Variants in RBM20 observed in about 807,000 individuals in gnomAD.
The protein encoded by RBM20 is RNA binding motif protein 20, also known as RNA-binding protein 20.
A neutral mutation model predicts 110.1 loss-of-function variants in RBM20; 51 were observed. That is an observed-to-expected ratio of 0.46 (90% CI 0.37 to 0.59). The LOEUF is 0.59. Among genes scored for constraint, RBM20 ranks in the 20% least tolerant of loss-of-function variants. RBM20 has a pLI of 0.00. For missense variants in RBM20, 1,512 were observed against 1,574.9 expected, an observed-to-expected ratio of 0.96 and a Z score of 0.68; for synonymous variants, 589 against 618.2, an observed-to-expected ratio of 0.95 and a Z score of 0.70.
Position 110,837,507 on chromosome 10 carries a change from T to C in RBM20, c.*1529T>C, listed in dbSNP as rs953148638. 6.6e-6 allele frequency: 1 copy of C among 152,222 alleles called. No individual in the cohort carries two copies. The highest frequency in any genetic ancestry group is 1.5e-5 in the Non-Finnish European group (1 of 68,054). 9.4% of individuals were successfully genotyped at this position (152,222 alleles called of 1,614,324 possible). A position where few individuals can be genotyped will look rare whatever the true frequency, so the allele number is the denominator to read the frequency against. On this transcript the variant is annotated 3_prime_UTR_variant, in exon 14 of 14. Coordinates refer to ENST00000369519, the MANE Select transcript of RBM20 (RefSeq NM_001134363.3). ...AGGTCACTCTCCCCTAGGCAGTTCC[T>C]GTTGTTTCTGTTCCTGACCTTGGGC... is the stretch of plus-strand genomic sequence containing the variant.
chr10:110,706,124 T>G (rs1432863372), intron 1 of RBM20, among the ~76,000 whole-genome samples: 1 of 152,060 alleles, frequency 6.6e-6, no homozygotes, highest in South Asian at 2.1e-4. Context: ...TGCAGATGAC[T>G]TTTAGTAGTT....
intron 12 of RBM20, among the ~76,000 whole-genome samples, chr10:110,829,508 G>A (rs913824863): frequency 6.6e-6 from 1 of 152,122 alleles, no homozygotes; most frequent in Non-Finnish European, 1.5e-5. Context: ...CTCAGGCCCC[G>A]GACCACAGCC....
At chr10:110,720,657 C>T (rs1034378177) in intron 1 of RBM20, among the ~76,000 whole-genome samples, 30 of 88,680 alleles carry the variant, frequency 3.4e-4, no homozygotes, top group Non-Finnish European at 6.5e-5. Context: ...GCCCCTGCAG[C>T]CTGATCTCCT....
intron 1 of RBM20, among the ~76,000 whole-genome samples, chr10:110,668,571 A>C (rs17828248): frequency 0.22 from 33,844 of 151,616 alleles, 4,714 homozygotes; most frequent in Middle Eastern, 0.35. Flanking sequence ...CAACATACCA[A>C]GGGAGACTTG....
intron 1 of RBM20, among the ~76,000 whole-genome samples, chr10:110,687,807 T>C (rs1347051356): frequency 1.3e-5 from 2 of 152,218 alleles, no homozygotes; most frequent in Non-Finnish European, 2.9e-5. Flanking sequence ...AATTGTGTCA[T>C]TGCTGCTTTT....
chr10:110,772,429 T>C (rs1309958065), intron 1 of RBM20, among the ~76,000 whole-genome samples: 1 of 152,200 alleles, frequency 6.6e-6, no homozygotes, highest in African/African-American at 2.4e-5. Context: ...GATGTTCTGG[T>C]CAATAACAGA....
rs111822550 is a variant in RBM20 at position 110,758,253 on chromosome 10, G to A, written c.192-22548G>A. ...GGCTGATCTCAAACTCCTGGCTTAA[G>A]CAATCCACCTGCCTCAGCCTCTCAA... is the stretch of plus-strand genomic sequence containing the variant. On this transcript the variant is annotated intron_variant, in intron 1 of 13. Coordinates refer to ENST00000369519, the MANE Select transcript of RBM20 (RefSeq NM_001134363.3). Among the ~76,000 whole-genome samples the A allele has an allele frequency of 4.8e-3, 723 of 152,010 alleles. 3 individuals are homozygous for A. The highest frequency in any genetic ancestry group is 0.021 in the South Asian group (100 of 4,800).
intron 5 of RBM20, among the ~76,000 whole-genome samples, chr10:110,791,372 T>C (rs542841795): frequency 6.6e-6 from 1 of 152,342 alleles, no homozygotes; most frequent in East Asian, 1.9e-4. Context: ...AGATGGAATC[T>C]ACACTTTGCA....
intron 1 of RBM20, among the ~76,000 whole-genome samples, chr10:110,664,485 GC>G (rs1337640527): frequency 1.3e-5 from 2 of 152,176 alleles, no homozygotes; most frequent in African/African-American, 4.8e-5. Context: ...GGTGGCTCAT[GC>G]CTGTAATCCC....
chr10:110,694,891 G>T (rs1862638370), intron 1 of RBM20, among the ~76,000 whole-genome samples: 1 of 152,090 alleles, frequency 6.6e-6, no homozygotes, highest in African/African-American at 2.4e-5. Context: ...CCAAATTTAG[G>T]AAAGAATTGG....
chr10:110,838,431 T>G lies in RBM20; in HGVS notation c.*2453T>G, dbSNP rs1180295086. 6.6e-6 allele frequency: 1 copy of G among 152,242 alleles called. No homozygotes were observed. Among genetic ancestry groups the G allele is most frequent in the Non-Finnish European group, 1.5e-5 (1 of 68,040 alleles). The allele number at this position is 152,242 out of a possible 1,614,324, so 9.4% of individuals were successfully genotyped here. ...CATTCTGGACACCAGCTATGCCTCC[T>G]CCATTTCTCAGAAAACCTTTGATCT... On this transcript the variant is annotated 3_prime_UTR_variant, in exon 14 of 14. Transcript: ENST00000369519.
chr10:110,780,114 C>G (rs897286653), intron 1 of RBM20, among the ~76,000 whole-genome samples: 5 of 152,124 alleles, frequency 3.3e-5, no homozygotes, highest in Admixed American at 2.0e-4. Context: ...TTGGAATGCT[C>G]TCTGTCTTAA....
At chr10:110,687,675 C>A (rs577863470) in intron 1 of RBM20, among the ~76,000 whole-genome samples, 4 of 152,186 alleles carry the variant, frequency 2.6e-5, no homozygotes, top group African/African-American at 9.7e-5. Context: ...TCTCCCACTG[C>A]GTTGCTGTGT....
At chr10:110,822,017 G>A in intron 11 of RBM20, 82 bp downstream of exon 11, 1 of 1,334,800 alleles carries the variant, frequency 7.5e-7, no homozygotes, top group Non-Finnish European at 1.1e-6. Flanking sequence ...TGTGCAGGCT[G>A]GAATGAACAT....
chr10:110,688,204 CAGAGAGGTTTT>C (rs2134871604), intron 1 of RBM20, among the ~76,000 whole-genome samples: 1 of 152,218 alleles, frequency 6.6e-6, no homozygotes, highest in African/African-American at 2.4e-5. Flanking sequence ...GCTCTGAAAA[CAGAGAGGTTTT>C]TCTTAAAGTT....
At chr10:110,828,366 G>C (rs1845008223) in intron 12 of RBM20, among the ~76,000 whole-genome samples, 1 of 152,160 alleles carries the variant, frequency 6.6e-6, no homozygotes, top group Admixed American at 6.5e-5. Flanking sequence ...TTTATTCTGG[G>C]ACAAGTTACC....
intron 1 of RBM20, among the ~76,000 whole-genome samples, chr10:110,740,314 T>C (rs1843711914): frequency 6.6e-6 from 1 of 152,144 alleles, no homozygotes. Context: ...AAGGACTGTG[T>C]CGGAGATAGA....
At chr10:110,780,659 G>A in intron 1 of RBM20, 142 bp from the exon 2 acceptor site, 1 of 854,318 alleles carries the variant, frequency 1.2e-6, no homozygotes, top group Non-Finnish European at 1.7e-6. Context: ...GTGAGCACAG[G>A]TTTTTGCAGA....
chr10:110,810,297 C>T (rs1194228370), intron 7 of RBM20, 86 bp from the exon 8 acceptor site: 2 of 946,294 alleles, frequency 2.1e-6, no homozygotes, highest in Middle Eastern at 2.1e-4. Flanking sequence ...GTGGACCAGG[C>T]AATGAATGAC....
Sources: gnomAD v4.1 joint callset for allele counts (sites outside exome capture counted in the v4.1 genomes callset) on GRCh38, gnomAD v4.1.1 for gene constraint, MANE v1.5 for transcripts, NCBI Gene and HGNC (gene_info 2026-07-23, HGNC 2026-07-21) for gene names.